Variants in DMXL2 observed in about 807,000 individuals in gnomAD.
DMXL2 encodes dmX-like protein 2.
Under a neutral mutation model 331.1 loss-of-function variants are expected in DMXL2, and 103 were observed. That is an observed-to-expected ratio of 0.31 (90% CI 0.27 to 0.37). DMXL2 has a LOEUF of 0.37. DMXL2 is among the 10% of genes least tolerant of loss of function. The pLI, the probability that DMXL2 is intolerant of heterozygous loss-of-function variation, is 1.00. For missense variants in DMXL2, 3,171 were observed against 3,642.9 expected, an observed-to-expected ratio of 0.87 and a Z score of 3.33; for synonymous variants, 1,281 against 1,252.1, an observed-to-expected ratio of 1.02 and a Z score of -0.49.
intron 6 of DMXL2, among the ~76,000 whole-genome samples, chr15:51,555,674 T>G (rs1417832381): frequency 6.6e-6 from 1 of 151,854 alleles, no homozygotes. Context: ...GAAGAAGAAA[T>G]CACTATACAT....
chr15:51,474,193 C>T (rs1595933954), intron 28 of DMXL2, 151 bp downstream of exon 28: 1 of 652,326 alleles, frequency 1.5e-6, no homozygotes, highest in East Asian at 3.0e-5. Flanking sequence ...TTTATTATAT[C>T]ATGGGTTTAA....
At position 51,563,458 on chromosome 15, in the gene DMXL2, G is replaced by C; in HGVS notation, c.501-11C>G. The C allele has an allele frequency of 3.1e-6, 5 of 1,595,730 alleles. No homozygotes were observed. Among genetic ancestry groups the C allele is most frequent in the Admixed American group, 1.8e-5 (1 of 57,006 alleles). ...ACAGATACTGAGGTTCTAAAAAAGA[G>C]AGAGTTAGGCAATTAGCCCTTTTAA... On this transcript the variant is annotated splice_polypyrimidine_tract_variant and intron_variant, in intron 5 of 43. Coordinates refer to ENST00000560891, the MANE Select transcript of DMXL2 (RefSeq NM_001378457.1).
chr15:51,474,237 T>C (rs1453520082), intron 28 of DMXL2, 107 bp downstream of exon 28: 23 of 1,047,060 alleles, frequency 2.2e-5, no homozygotes, highest in Non-Finnish European at 2.8e-5. Context: ...GATTATACTT[T>C]AAGCATCGCT....
intron 1 of DMXL2, among the ~76,000 whole-genome samples, chr15:51,604,242 A>G (rs1258173702): frequency 1.3e-5 from 2 of 151,198 alleles, no homozygotes; most frequent in East Asian, 3.9e-4. Flanking sequence ...AGGAATAAAA[A>G]AGAATCTTCT....
chr15:51,536,440 A>G lies in DMXL2; in HGVS notation c.2040T>C (p.Asp680=). 2 of 1,614,012 alleles carry G rather than the reference A, an allele frequency of 1.2e-6. No homozygotes were observed. Among genetic ancestry groups the G allele is most frequent in the African/African-American group, 1.3e-5 (1 of 75,044 alleles). The change falls in exon 12 of 44, where the codon GAT becomes GAC. Residue 680 remains aspartate, a synonymous_variant. Transcript: ENST00000560891. ...ATTTATTGTCTGAGTCCCACTGACA[A>G]TCTAATTCAGGAGTCAATAGAGCAT... ...HHNALLTPEL[D]CQWDSDNKLS... is the part of the protein sequence containing the mutation.
At chr15:51,466,942 T>C (rs1284149049) in intron 29 of DMXL2, among the ~76,000 whole-genome samples, 1 of 151,982 alleles carries the variant, frequency 6.6e-6, no homozygotes, top group Non-Finnish European at 1.5e-5. Context: ...AAGAAAAATG[T>C]AGTCTAGATT....
At position 51,560,991 on chromosome 15, in the gene DMXL2, T is replaced by C. The variant is rs1052899369; in HGVS notation, c.567+2390A>G. Among the ~76,000 whole-genome samples, 15 of 113,510 alleles carry C rather than the reference T, an allele frequency of 1.3e-4. No individual in the cohort carries two copies. In the East Asian group the frequency reaches 3.6e-3, roughly 27 times the overall value. The allele number at this position is 113,510 out of a possible 152,430, so 74.5% of individuals were successfully genotyped here. A position where few individuals can be genotyped will look rare whatever the true frequency, so the allele number is the denominator to read the frequency against. On this transcript the variant is annotated intron_variant, in intron 6 of 43. Transcript: ENST00000560891. ...TTTTAATTTATGAAATATTTTGTAA[T>C]TTAAAAAAAATCAGAGAATTTTAAA...
chr15:51,467,346 TAAAC>T (rs1183305014), intron 29 of DMXL2, among the ~76,000 whole-genome samples: 6 of 152,010 alleles, frequency 3.9e-5, no homozygotes, highest in East Asian at 1.9e-4. Context: ...AAATGCATAA[TAAAC>T]AAAATTTTAA....
chr15:51,451,696 T>G lies in DMXL2; in HGVS notation c.8698A>C (p.Asn2900His), dbSNP rs768144536. 22 of 1,612,622 alleles carry G rather than the reference T, an allele frequency of 1.4e-5. No homozygotes were observed. The highest frequency in any genetic ancestry group is 1.6e-5 in the Non-Finnish European group (19 of 1,179,030). The change falls in exon 42 of 44, where the codon AAT (asparagine) becomes CAT (histidine). Residue 2900 changes from asparagine (N) to histidine (H), a missense_variant and splice_region_variant. Transcript: ENST00000560891. ...ATSGHSNDNR[N>H]VCLWDTLISP... Reference sequence around the variant, plus strand: ...ATTAATGTGTCCCAGAGGCAAACATTTCTTTTAAAGAAACACAATAACAAA... The same window carrying G: ...ATTAATGTGTCCCAGAGGCAAACATGTCTTTTAAAGAAACACAATAACAAA...
chr15:51,506,009 TTAATC>T (rs1167252602), intron 16 of DMXL2, among the ~76,000 whole-genome samples: 2 of 152,238 alleles, frequency 1.3e-5, no homozygotes, highest in Non-Finnish European at 2.9e-5. Context: ...AGTTTAGAGA[TTAATC>T]TAAATGTGTA....
At chr15:51,618,607 C>G (rs1417192603) in intron 1 of DMXL2, among the ~76,000 whole-genome samples, 1 of 152,012 alleles carries the variant, frequency 6.6e-6, no homozygotes, top group Non-Finnish European at 1.5e-5. Flanking sequence ...TGAAAAGCTA[C>G]AGGTAATGTT....
At chr15:51,461,876 A>G (rs1418026330) in intron 33 of DMXL2, among the ~76,000 whole-genome samples, 1 of 152,104 alleles carries the variant, frequency 6.6e-6, no homozygotes, top group Non-Finnish European at 1.5e-5. Context: ...TTAGATTCCT[A>G]TATTTTAGTT....
At chr15:51,562,683 A>G (rs1741749848) in intron 6 of DMXL2, among the ~76,000 whole-genome samples, 1 of 152,222 alleles carries the variant, frequency 6.6e-6, no homozygotes, top group African/African-American at 2.4e-5. Flanking sequence ...CAAAGCAATT[A>G]CTATCTCCAA....
intron 1 of DMXL2, among the ~76,000 whole-genome samples, chr15:51,601,513 A>G (rs903319209): frequency 9.9e-5 from 15 of 152,126 alleles, no homozygotes; most frequent in African/African-American, 3.6e-4. Flanking sequence ...TCCCAGCACC[A>G]CTGATTGAAA....
chr15:51,561,488 G>A (rs1228719198), intron 6 of DMXL2, among the ~76,000 whole-genome samples: 1 of 151,850 alleles, frequency 6.6e-6, no homozygotes, highest in Non-Finnish European at 1.5e-5. Flanking sequence ...CGTGGTGGCA[G>A]AGGCAGGCCA....
At chr15:51,546,093 C>G (rs556022737) in intron 7 of DMXL2, among the ~76,000 whole-genome samples, 3 of 152,222 alleles carry the variant, frequency 2.0e-5, no homozygotes, top group East Asian at 3.9e-4. Flanking sequence ...AATAAAAGAT[C>G]ATTAAATGTA....
At chr15:51,568,776 T>C (rs1291663604) in intron 2 of DMXL2, among the ~76,000 whole-genome samples, 4 of 152,098 alleles carry the variant, frequency 2.6e-5, no homozygotes, top group African/African-American at 9.7e-5. Context: ...ATATACAAGG[T>C]TGACCTATTC....
rs146661162 is a variant in DMXL2 at position 51,554,956 on chromosome 15, G to A, written c.568-7548C>T. On this transcript the variant is annotated intron_variant, in intron 6 of 43. Transcript: ENST00000560891. Reference sequence around the variant, plus strand: ...GCAGATCACTTGAGGCCAGGAGTTCGAGACCAGCCTGGCCATCATGACGAA... The same window carrying A: ...GCAGATCACTTGAGGCCAGGAGTTCAAGACCAGCCTGGCCATCATGACGAA... Among the ~76,000 whole-genome samples, 97 of 152,244 alleles carry A rather than the reference G, an allele frequency of 6.4e-4. 1 individual carries two copies. In the East Asian group the frequency reaches 0.017, roughly 27 times the overall value.
At chr15:51,533,433 GAACA>G (rs1232899655) in intron 13 of DMXL2, among the ~76,000 whole-genome samples, 2 of 152,050 alleles carry the variant, frequency 1.3e-5, no homozygotes, top group Admixed American at 1.3e-4. Context: ...GTATAATGGA[GAACA>G]AATAGAACCA....
Sources: allele counts gnomAD v4.1 joint callset (sites outside exome capture counted in the v4.1 genomes callset), GRCh38; gene constraint gnomAD v4.1.1; transcripts MANE v1.5; gene names NCBI Gene and HGNC (gene_info 2026-07-23, HGNC 2026-07-21).